OPN5: variants seen among roughly 807,000 people sequenced by gnomAD.
The protein encoded by OPN5 is opsin 5.
A neutral mutation model predicts 41.7 loss-of-function variants in OPN5; 18 were observed. The ratio of observed to expected loss-of-function variants is 0.43; its 90% CI spans 0.30 to 0.64. OPN5 has a LOEUF of 0.64. Ranked by LOEUF, OPN5 falls within the 30% of genes least tolerant of loss-of-function variation. OPN5 has a pLI of 0.13. For missense variants in OPN5, 318 were observed against 434.5 expected (o/e 0.73, Z 2.38); for synonymous variants, 178 against 164.3 (o/e 1.08, Z -0.64).
chr6:47,823,528 G>A (rs138888640), intron 6 of OPN5: 27 of 172,008 alleles, frequency 1.6e-4, no homozygotes, highest in Middle Eastern at 2.8e-3. Context: ...GTGGTAGTGC[G>A]GGACTGTGTT....
chr6:47,811,245 T>C (rs925945006), intron 5 of OPN5, among the ~76,000 whole-genome samples: 1 of 152,050 alleles, frequency 6.6e-6, no homozygotes. Flanking sequence ...TGGTACTGAG[T>C]GAAGATAACA....
At chr6:47,787,012 C>G in intron 2 of OPN5, 5 of 974,424 alleles carry the variant, frequency 5.1e-6, no homozygotes, top group Non-Finnish European at 6.1e-6. Flanking sequence ...TTATGGAAGT[C>G]TGATTAAAAT....
intron 6 of OPN5, among the ~76,000 whole-genome samples, chr6:47,822,654 G>T (rs1762664552): frequency 6.6e-6 from 1 of 152,200 alleles, no homozygotes; most frequent in Non-Finnish European, 1.5e-5. Context: ...ATTTGAAATT[G>T]TCTTGCCAAA....
chr6:47,815,487 A>G (rs1245494472), intron 6 of OPN5, among the ~76,000 whole-genome samples: 1 of 152,164 alleles, frequency 6.6e-6, no homozygotes, highest in Non-Finnish European at 1.5e-5. Context: ...AATGTCTTAA[A>G]GACTGCCAAA....
chr6:47,809,262 T>C (rs557206158), intron 5 of OPN5, among the ~76,000 whole-genome samples: 1 of 152,276 alleles, frequency 6.6e-6, no homozygotes, highest in East Asian at 1.9e-4. Flanking sequence ...CTTTTTGTTC[T>C]TATTTACTTG....
intron 2 of OPN5, among the ~76,000 whole-genome samples, chr6:47,788,294 T>C (rs1773256552): frequency 6.6e-6 from 1 of 152,244 alleles, no homozygotes; most frequent in Non-Finnish European, 1.5e-5. Flanking sequence ...TAAGGTGCTC[T>C]ACCTGGTATT....
chr6:47,816,748 G>T (rs1237383781), intron 6 of OPN5, among the ~76,000 whole-genome samples: 3 of 152,106 alleles, frequency 2.0e-5, no homozygotes, highest in Non-Finnish European at 4.4e-5. Context: ...TGTCCTCATT[G>T]TGGAATAGGG....
intron 6 of OPN5, among the ~76,000 whole-genome samples, chr6:47,819,631 A>G (rs953071876): frequency 2.6e-5 from 4 of 151,920 alleles, no homozygotes; most frequent in African/African-American, 4.8e-5. Context: ...ATAGTGTCTT[A>G]CAGGTTTTTC....
intron 3 of OPN5, chr6:47,794,968 C>A: frequency 2.4e-6 from 1 of 412,274 alleles, no homozygotes; most frequent in Non-Finnish European, 4.3e-6. Context: ...TTTCCTGTCC[C>A]TTTTCCCAGC....
In OPN5 at chr6:47,782,099, C is replaced by T. The variant is rs142641063; in HGVS notation, c.33C>T (p.Asp11=). ...TAAATCACACTGCCCTGCCTCAGGACGAGCGCCTGCCCCATTACCTTCGAG... is the reference window on the plus strand; with the variant it reads ...TAAATCACACTGCCCTGCCTCAGGATGAGCGCCTGCCCCATTACCTTCGAG... Residue 11 remains aspartate, a synonymous_variant, in exon 1 of 7, where the codon GAC becomes GAT. Coordinates refer to ENST00000371211, the Ensembl canonical transcript of OPN5. The T allele has an allele frequency of 5.3e-4, 861 of 1,613,526 alleles. 2 individuals are homozygous for T. The highest frequency in any genetic ancestry group is 3.5e-3 in the Middle Eastern group (21 of 6,050).
chr6:47,817,934 A>G lies in OPN5; in HGVS notation c.1057-6049A>G, dbSNP rs1008670899. ...AGATGACAGCCTCCAGTGAAACACT[A>G]GGGACAAAGGCCCATTCACCTCTTC... is the stretch of plus-strand genomic sequence containing the variant. On this transcript the variant is annotated intron_variant, in intron 6 of 6. Transcript: ENST00000371211. 5.9e-5 allele frequency among the ~76,000 whole-genome samples: 9 copies of G among 152,174 alleles called. 1 individual carries two copies. The highest frequency in any genetic ancestry group is 5.2e-4 in the Admixed American group (8 of 15,266).
intron 1 of OPN5, among the ~76,000 whole-genome samples, chr6:47,785,898 T>A (rs1435204331): frequency 1.3e-5 from 2 of 152,194 alleles, no homozygotes; most frequent in Non-Finnish European, 2.9e-5. Context: ...ACCCTTGATA[T>A]CTAGTCCAGT....
rs534907677 is a variant in OPN5 at position 47,809,169 on chromosome 6, C to G, written c.998+774C>G. 2.0e-5 allele frequency among the ~76,000 whole-genome samples: 3 copies of G among 152,178 alleles called. No individual in the cohort carries two copies. The South Asian group carries it at 6.2e-4, about 32-fold the overall frequency. On this transcript the variant is annotated intron_variant, in intron 5 of 6. Coordinates refer to ENST00000371211, the Ensembl canonical transcript of OPN5. Reference sequence around the variant, plus strand: ...GTGGTCTTCTGTGTCCACTCATGGTCAGTATTAGCAGTAAAAAGTGGAAGA... The same window carrying G: ...GTGGTCTTCTGTGTCCACTCATGGTGAGTATTAGCAGTAAAAAGTGGAAGA...
intron 1 of OPN5, among the ~76,000 whole-genome samples, chr6:47,785,925 C>T (rs1186106004): frequency 6.6e-6 from 1 of 152,112 alleles, no homozygotes; most frequent in Non-Finnish European, 1.5e-5. Flanking sequence ...TGAAGGCTGT[C>T]CTATCTGCCA....
chr6:47,782,312 G>C, intron 1 of OPN5, 116 bp downstream of exon 1: 1 of 907,348 alleles, frequency 1.1e-6, no homozygotes, highest in Non-Finnish European at 1.7e-6. Context: ...GAGGCGAAGA[G>C]TGGGGAAAGG....
At chr6:47,819,775 G>T (rs1762545544) in intron 6 of OPN5, among the ~76,000 whole-genome samples, 1 of 152,096 alleles carries the variant, frequency 6.6e-6, no homozygotes, top group African/African-American at 2.4e-5. Context: ...GTGAGTCTTA[G>T]ATGTCAGCTC....
chr6:47,799,010 T>C (rs1773669697), intron 4 of OPN5, among the ~76,000 whole-genome samples: 1 of 152,132 alleles, frequency 6.6e-6, no homozygotes, highest in Non-Finnish European at 1.5e-5. Flanking sequence ...ACTTTAATTA[T>C]TTCTAGCTGG....
At chr6:47,824,355 C>A (rs1350771931) in exon 7 of OPN5, 3 of 306,634 alleles carry the variant, frequency 9.8e-6, no homozygotes, top group Non-Finnish European at 1.8e-5. Flanking sequence ...CAGGCTGTGT[C>A]TCTGACTGGA....
At chr6:47,808,220 T>TCACAGACTTCCA in exon 5 of OPN5, 1 of 1,613,992 alleles carries the variant, frequency 6.2e-7, no homozygotes, top group Non-Finnish European at 8.5e-7. Context: ...GTCTGTGTGG[T>TCACAGACTTCCA]CAGCTTTTGG....
Sources: gnomAD v4.1 joint callset for allele counts (sites outside exome capture counted in the v4.1 genomes callset) on GRCh38, gnomAD v4.1.1 for gene constraint, MANE v1.5 for transcripts, NCBI Gene and HGNC (gene_info 2026-07-23, HGNC 2026-07-21) for gene names.